PRSS54: variants seen among roughly 807,000 people sequenced by gnomAD.
PRSS54 encodes inactive serine protease 54.
PRSS54 carries 16 observed loss-of-function variants against 19.9 expected under a neutral mutation model. The observed-to-expected ratio is 0.80, with a 90% confidence interval of 0.54 to 1.22. The LOEUF is 1.22. Ranked by LOEUF, PRSS54 falls within the 50% of genes most tolerant of loss-of-function variation. The pLI, the probability that PRSS54 is intolerant of heterozygous loss-of-function variation, is 0.00. For synonymous variants in PRSS54, 177 were observed against 195.8 expected (o/e 0.90, Z 0.80); for missense variants, 444 against 494.8 (o/e 0.90, Z 0.97).
chr16:58,294,710 C>G (rs1965109431), intron 1 of PRSS54, among the ~76,000 whole-genome samples, 177 bp downstream of exon 1: 1 of 152,080 alleles, frequency 6.6e-6, no homozygotes, highest in African/African-American at 2.4e-5. Flanking sequence ...AGGAACAGCC[C>G]CAGCATTTAG....
In PRSS54 at chr16:58,281,071, G is replaced by A. The variant is rs1964720154; in HGVS notation, c.655-314C>T. The A allele has an allele frequency of 1.3e-5, 4 of 310,892 alleles. No individual in the cohort carries two copies. The South Asian group carries it at 2.4e-4, about 19-fold the overall frequency. The allele number at this position is 310,892 out of a possible 1,614,324, so 19.3% of individuals were successfully genotyped here. On this transcript the variant is annotated intron_variant, in intron 6 of 6. Coordinates refer to ENST00000567164, the MANE Select transcript of PRSS54 (RefSeq NM_001305173.2). ...CCCTCTCTTCTGGCTTCTCATTCCT[G>A]AAATGTTGGTGTTTGTTTCTGTTTT...
chr16:58,288,897 G>A (rs1283888476), intron 4 of PRSS54, among the ~76,000 whole-genome samples: 2 of 149,980 alleles, frequency 1.3e-5, no homozygotes, highest in Non-Finnish European at 3.0e-5. Flanking sequence ...GAATTAATGT[G>A]TATGATGTGC....
intron 4 of PRSS54, among the ~76,000 whole-genome samples, chr16:58,286,420 T>C (rs1964923181): frequency 6.6e-6 from 1 of 152,158 alleles, no homozygotes; most frequent in Non-Finnish European, 1.5e-5. Flanking sequence ...GATTCTTTAA[T>C]CTTAACACCA....
intron 4 of PRSS54, among the ~76,000 whole-genome samples, chr16:58,289,201 C>G (rs1964984775): frequency 6.6e-6 from 1 of 152,184 alleles, no homozygotes; most frequent in African/African-American, 2.4e-5. Flanking sequence ...GGGTGGCCAT[C>G]TGCAAGCCCA....
intron 4 of PRSS54, among the ~76,000 whole-genome samples, chr16:58,289,376 T>C (rs1370495520): frequency 6.6e-6 from 1 of 152,190 alleles, no homozygotes; most frequent in Non-Finnish European, 1.5e-5. Context: ...ATTCTCTTAA[T>C]AGATATAAGA....
intron 4 of PRSS54, among the ~76,000 whole-genome samples, chr16:58,287,710 T>C (rs1157357310): frequency 1.3e-5 from 2 of 152,182 alleles, no homozygotes; most frequent in Non-Finnish European, 2.9e-5. Flanking sequence ...AGAGTGGATC[T>C]GAAGGGGCAG....
intron 5 of PRSS54, 26 bp from the exon 6 acceptor site, chr16:58,284,747 G>A: frequency 6.2e-7 from 1 of 1,612,984 alleles, no homozygotes; most frequent in Non-Finnish European, 8.5e-7. Context: ...GAGAGCCCAG[G>A]GATTATTAAC....
At chr16:58,284,550 T>C in intron 6 of PRSS54, 40 bp downstream of exon 6, 2 of 1,612,208 alleles carry the variant, frequency 1.2e-6, no homozygotes, top group African/African-American at 2.7e-5. Context: ...TGACCAAGGC[T>C]TACTCTCAAC....
In PRSS54 at chr16:58,280,832, C is replaced by G. The variant is rs77015310; in HGVS notation, c.655-75G>C. The G allele has an allele frequency of 1.4e-3, 1,904 of 1,365,158 alleles. 37 individuals are homozygous for G. In the African/African-American group the frequency reaches 0.025, roughly 18 times the overall value. 84.6% of individuals were successfully genotyped at this position (1,365,158 alleles called of 1,614,324 possible). On this transcript the variant is annotated intron_variant, in intron 6 of 6. Coordinates refer to ENST00000567164, the MANE Select transcript of PRSS54 (RefSeq NM_001305173.2). Reference sequence around the variant, plus strand: ...TGTAAATCTATCCTTGTGCAATATACTGTTTGTTCTAGAAATGTTTTACGC... The same window carrying G: ...TGTAAATCTATCCTTGTGCAATATAGTGTTTGTTCTAGAAATGTTTTACGC...
Position 58,280,699 on chromosome 16 carries a change from C to G in PRSS54, c.713G>C (p.Arg238Thr). 1 of 1,614,188 alleles carries G rather than the reference C, an allele frequency of 6.2e-7. No homozygotes were observed. The highest frequency in any genetic ancestry group is 8.5e-7 in the Non-Finnish European group (1 of 1,180,008). Residue 238 changes from arginine to threonine, a missense_variant, in exon 7 of 7, where the codon AGA becomes ACA. By Grantham distance (71) the Arg-to-Thr change is moderately conservative (BLOSUM62 -1). Transcript: ENST00000567164. Reference protein sequence around the residue: ...QLQQFDLWVLRGVLNFGGETC... With the variant: ...QLQQFDLWVLTGVLNFGGETC... Reference sequence around the variant, plus strand: ...CTCACCACCGAAGTTCAGGACTCCTCTCAGAACCCACAGATCGAACTGCTG... The same window carrying G: ...CTCACCACCGAAGTTCAGGACTCCTGTCAGAACCCACAGATCGAACTGCTG...
chr16:58,288,321 G>C (rs938082149), intron 4 of PRSS54, among the ~76,000 whole-genome samples: 53 of 152,306 alleles, frequency 3.5e-4, no homozygotes, highest in African/African-American at 1.3e-3. Flanking sequence ...AGCTACTCGG[G>C]AGGCTGAGGC....
intron 4 of PRSS54, among the ~76,000 whole-genome samples, chr16:58,286,502 T>G (rs1473634752): frequency 6.6e-6 from 1 of 152,154 alleles, no homozygotes; most frequent in Non-Finnish European, 1.5e-5. Context: ...AATAGTTTTT[T>G]TTTTTTTTAC....
chr16:58,284,683 G>A lies in PRSS54; in HGVS notation c.561C>T (p.Ile187=), dbSNP rs142166944. ...GACACATGTCAAGATCTTTCACGAA[G>A]ATTTTCCTCAGGACACTCATCGTCA... ...NHMTMSVLRK[I]FVKDLDMCPL... The change falls in exon 6 of 7, where the codon ATC becomes ATT. Residue 187 remains isoleucine (I), a synonymous_variant. Coordinates refer to ENST00000567164, the MANE Select transcript of PRSS54 (RefSeq NM_001305173.2). The A allele has an allele frequency of 3.1e-6, 5 of 1,613,982 alleles. No homozygotes were observed. The highest frequency in any genetic ancestry group is 2.5e-6 in the Non-Finnish European group (3 of 1,179,986).
chr16:58,285,821 C>T (rs1049623635), intron 5 of PRSS54, 116 bp downstream of exon 5: 4 of 1,266,762 alleles, frequency 3.2e-6, no homozygotes, highest in Non-Finnish European at 4.3e-6. Flanking sequence ...CAGCCAAACT[C>T]TAGAACCTCA....
chr16:58,286,339 T>C, intron 4 of PRSS54, 144 bp from the exon 5 acceptor site: 1 of 832,828 alleles, frequency 1.2e-6, no homozygotes, highest in Non-Finnish European at 1.9e-6. Flanking sequence ...CCCTTTGGAC[T>C]CAAGTTTCTA....
intron 3 of PRSS54, among the ~76,000 whole-genome samples, chr16:58,292,258 C>A (rs1364770605): frequency 2.0e-5 from 3 of 152,174 alleles, no homozygotes; most frequent in Non-Finnish European, 4.4e-5. Context: ...ATGCATCCAA[C>A]CACACTTGGC....
chr16:58,293,367 C>T (rs1463757863), intron 3 of PRSS54, among the ~76,000 whole-genome samples: 4 of 152,144 alleles, frequency 2.6e-5, no homozygotes, highest in East Asian at 1.9e-4. Flanking sequence ...CCCCTGCTCC[C>T]GGGACCAGCC....
chr16:58,290,930 T>C, intron 4 of PRSS54, 29 bp downstream of exon 4: 2 of 1,610,672 alleles, frequency 1.2e-6, no homozygotes, highest in South Asian at 2.2e-5. Context: ...CCCGGCGATG[T>C]TGCGGGCCCC....
intron 1 of PRSS54, among the ~76,000 whole-genome samples, 178 bp downstream of exon 1, chr16:58,294,709 C>T (rs531516560): frequency 4.6e-5 from 7 of 152,220 alleles, no homozygotes; most frequent in African/African-American, 1.7e-4. Context: ...TAGGAACAGC[C>T]CCAGCATTTA....
Sources: allele counts gnomAD v4.1 joint callset (sites outside exome capture counted in the v4.1 genomes callset), GRCh38; gene constraint gnomAD v4.1.1; transcripts MANE v1.5; gene names NCBI Gene and HGNC (gene_info 2026-07-23, HGNC 2026-07-21).